Variants in SERPINB13 observed in about 807,000 individuals in gnomAD.
The protein encoded by SERPINB13 is serpin B13.
A neutral mutation model predicts 31.2 loss-of-function variants in SERPINB13; 26 were observed. The observed-to-expected ratio is 0.83, with a 90% CI of 0.61 to 1.15. The LOEUF is 1.15. Ranked by LOEUF, SERPINB13 falls within the 50% of genes most tolerant of loss-of-function variation. The probability of loss-of-function intolerance (pLI) is 0.00; values close to 1 mark genes in which losing one functional copy is unlikely to be tolerated. For missense variants in SERPINB13, 510 were observed against 469.4 expected (o/e 1.09, Z -0.80); for synonymous variants, 191 against 172.4 (o/e 1.11, Z -0.85).
At position 63,589,451 on chromosome 18, in the gene SERPINB13, T is replaced by TCACACACACACA. The variant is rs112829867; in HGVS notation, c.166-177_166-166dup. ...ACCTGGCCAAAAGAGCAAAACTCCA[T>TCACACACACACA]CACACACACACACACACACACACAC... On this transcript the variant is annotated intron_variant, in intron 2 of 7. Transcript: ENST00000344731. 2.8e-3 allele frequency among the ~76,000 whole-genome samples: 319 copies of TCACACACACACA among 111,982 alleles called. 1 individual carries two copies. Among genetic ancestry groups the TCACACACACACA allele is most frequent in the African/African-American group, 7.5e-3 (267 of 35,702 alleles). 73.5% of individuals were successfully genotyped at this position (111,982 alleles called of 152,430 possible).
intron 5 of SERPINB13, 197 bp from the exon 6 acceptor site, chr18:63,594,158 A>G (rs1237345571): frequency 4.7e-6 from 7 of 1,489,344 alleles, no homozygotes; most frequent in Non-Finnish European, 6.3e-6. Context: ...TAATTTATCC[A>G]CTGGGATAAA....
rs748503604 is a variant in SERPINB13 at position 63,592,370 on chromosome 18, A to T, written c.248A>T (p.His83Leu). 6.2e-7 allele frequency: 1 copy of T among 1,613,206 alleles called. No individual in the cohort carries two copies. The highest frequency in any genetic ancestry group is 8.5e-7 in the Non-Finnish European group (1 of 1,179,572). ...AAGATTGAGAACACAGAAGCAGTAC[A>T]TCAACAATTCCAAAAGTTTTTGACT... is the stretch of plus-strand genomic sequence containing the variant. ...KEVIENTEAV[H>L]QQFQKFLTEI... is the part of the protein sequence containing the mutation. Residue 83 changes from histidine (H) to leucine (L), a missense_variant, in exon 4 of 8, where the codon CAT becomes CTT. His to Leu is a moderately conservative substitution (Grantham distance 99). Coordinates refer to ENST00000344731, the MANE Select transcript of SERPINB13 (RefSeq NM_012397.4).
At chr18:63,593,185 A>T (rs151073896) in intron 5 of SERPINB13, among the ~76,000 whole-genome samples, 114 of 152,244 alleles carry the variant, frequency 7.5e-4, no homozygotes, top group African/African-American at 2.7e-3. Context: ...GGCACTGCAG[A>T]TGGTGGAGCA....
rs572041818 is a variant in SERPINB13, at chr18:63,596,823, A to C, written c.772-136A>C. ...AGACAACCGCCTGCAGTATAAAGAC[A>C]ACAATCTAGTGAAATAAAATTTCTA... is the stretch of plus-strand genomic sequence containing the variant. On this transcript the variant is annotated intron_variant, in intron 7 of 7. Coordinates refer to ENST00000344731, the MANE Select transcript of SERPINB13 (RefSeq NM_012397.4). The C allele has an allele frequency of 2.8e-4, 194 of 683,584 alleles. 2 individuals are homozygous for C. The South Asian group carries it at 3.4e-3, about 12-fold the overall frequency. The allele number at this position is 683,584 out of a possible 1,614,324, so 42.3% of individuals were successfully genotyped here.
chr18:63,594,145 C>G, intron 5 of SERPINB13: 1 of 1,467,786 alleles, frequency 6.8e-7, no homozygotes. Context: ...TAACCATGAA[C>G]CTTAATTTAT....
intron 3 of SERPINB13, among the ~76,000 whole-genome samples, chr18:63,591,104 G>A (rs1300468682): frequency 9.2e-5 from 14 of 152,122 alleles, no homozygotes; most frequent in Admixed American, 8.5e-4. Flanking sequence ...ATGCCCCTTA[G>A]GCTGATGTAT....
At chr18:63,592,712 C>A in intron 4 of SERPINB13, 142 bp from the exon 5 acceptor site, 1 of 712,124 alleles carries the variant, frequency 1.4e-6, no homozygotes, top group Non-Finnish European at 2.3e-6. Context: ...GCAGCAGGAA[C>A]TCAATGTGAG....
intron 2 of SERPINB13, 126 bp downstream of exon 2, chr18:63,588,958 T>C: frequency 9.4e-7 from 1 of 1,063,366 alleles, no homozygotes; most frequent in South Asian, 1.8e-5. Context: ...AAACAGAGAC[T>C]TTCAAGACAA....
In SERPINB13 at chr18:63,587,643, A is replaced by G. The variant is rs1479273647; in HGVS notation, c.-18+193A>G. 3.3e-5 allele frequency among the ~76,000 whole-genome samples: 5 copies of G among 152,372 alleles called. No homozygotes were observed. The South Asian group carries it at 6.2e-4, about 19-fold the overall frequency. On this transcript the variant is annotated intron_variant, in intron 1 of 7. Coordinates refer to ENST00000344731, the MANE Select transcript of SERPINB13 (RefSeq NM_012397.4). ...CCATTTTATTTCTGAGTTAACCTGTAAAGGATCTCTGCAAGGAAACCTGAG... is the reference window on the plus strand; with the variant it reads ...CCATTTTATTTCTGAGTTAACCTGTGAAGGATCTCTGCAAGGAAACCTGAG...
At chr18:63,592,228 A>C (rs911011773) in intron 3 of SERPINB13, 120 bp from the exon 4 acceptor site, 13 of 1,099,328 alleles carry the variant, frequency 1.2e-5, no homozygotes, top group Non-Finnish European at 1.5e-5. Flanking sequence ...CATCAAACAC[A>C]GGGATCACCC....
Position 63,588,815 on chromosome 18 carries a change from G to T in SERPINB13, c.148G>T (p.Ala50Ser), listed in dbSNP as rs576283991. 7 of 1,613,876 alleles carry T rather than the reference G, an allele frequency of 4.3e-6. No individual in the cohort carries two copies. In the South Asian group the frequency reaches 5.5e-5, roughly 13 times the overall value. Residue 50 changes from alanine to serine, a missense_variant, in exon 2 of 8, where the codon GCT (alanine) becomes TCT (serine). By Grantham distance (99) the Ala-to-Ser change is moderately conservative (BLOSUM62 1). Coordinates refer to ENST00000344731, the MANE Select transcript of SERPINB13 (RefSeq NM_012397.4). ...CCTCCTGGGGACCCGAGGAGCCACC[G>T]CTTCCCAGTTGGAGGAGGTTGGGCG... is the stretch of plus-strand genomic sequence containing the variant. ...MVLLGTRGAT[A>S]SQLEEVFHSE...
chr18:63,598,302 G>A lies in SERPINB13; in HGVS notation c.*939G>A, dbSNP rs1163040679. On this transcript the variant is annotated 3_prime_UTR_variant, in exon 8 of 8. Coordinates refer to ENST00000344731, the MANE Select transcript of SERPINB13 (RefSeq NM_012397.4). ...AGCTTTGTCAAACTACAATTTACAT[G>A]CCGTAAAATGTACACACTGTAATTT... is the stretch of plus-strand genomic sequence containing the variant. 6.6e-6 allele frequency: 1 copy of A among 151,924 alleles called. No individual in the cohort carries two copies. The highest frequency in any genetic ancestry group is 1.5e-5 in the Non-Finnish European group (1 of 67,966). The allele number at this position is 151,924 out of a possible 1,614,324, so 9.4% of individuals were successfully genotyped here. A position where few individuals can be genotyped will look rare whatever the true frequency, so the allele number is the denominator to read the frequency against.
At chr18:63,590,916 A>C (rs1290937147) in intron 3 of SERPINB13, among the ~76,000 whole-genome samples, 3 of 152,198 alleles carry the variant, frequency 2.0e-5, no homozygotes, top group Non-Finnish European at 2.9e-5. Flanking sequence ...TTGCCCAGAG[A>C]CTGGCTTGGC....
intron 3 of SERPINB13, among the ~76,000 whole-genome samples, chr18:63,591,033 C>A (rs953507530): frequency 1.3e-5 from 2 of 152,106 alleles, no homozygotes; most frequent in Non-Finnish European, 2.9e-5. Context: ...AGGAAAAATG[C>A]AATAAACACA....
In SERPINB13 at chr18:63,589,733, A is replaced by G; in HGVS notation, c.225+18A>G. 1 of 1,614,064 alleles carries G rather than the reference A, an allele frequency of 6.2e-7. No individual in the cohort carries two copies. Among genetic ancestry groups the G allele is most frequent in the Non-Finnish European group, 8.5e-7 (1 of 1,179,942 alleles). On this transcript the variant is annotated intron_variant, in intron 3 of 7. Coordinates refer to ENST00000344731, the MANE Select transcript of SERPINB13 (RefSeq NM_012397.4). ...AAGAGGTGGTAAGAATAAAGGCTGAAGGAAAAGAGGTGGGGAGATGTGTTT... is the reference window on the plus strand; with the variant it reads ...AAGAGGTGGTAAGAATAAAGGCTGAGGGAAAAGAGGTGGGGAGATGTGTTT...
intron 5 of SERPINB13, among the ~76,000 whole-genome samples, chr18:63,593,304 AT>A (rs1457001050): frequency 6.6e-6 from 1 of 152,178 alleles, no homozygotes; most frequent in Non-Finnish European, 1.5e-5. Context: ...ATGGATCACA[AT>A]ATCTTGGGGG....
chr18:63,595,302 C>T (rs1825913022), intron 7 of SERPINB13, 118 bp downstream of exon 7: 5 of 1,002,512 alleles, frequency 5.0e-6, no homozygotes, highest in East Asian at 2.4e-5. Flanking sequence ...CACTCTCCAG[C>T]AGCTACAGAT....
At chr18:63,593,810 T>C (rs1483613814) in intron 5 of SERPINB13, among the ~76,000 whole-genome samples, 1 of 152,188 alleles carries the variant, frequency 6.6e-6, no homozygotes, top group Non-Finnish European at 1.5e-5. Flanking sequence ...GAATTTATTG[T>C]GGGATGGGGT....
At position 63,597,228 on chromosome 18, in the gene SERPINB13, T is replaced by C. The variant is rs542948789; in HGVS notation, c.1041T>C (p.Ala347=). 6.2e-6 allele frequency: 10 copies of C among 1,614,232 alleles called. No individual in the cohort carries two copies. Among genetic ancestry groups the C allele is most frequent in the East Asian group, 2.2e-5 (1 of 44,882 alleles). ...CTGAGGAAGGCACCGAGGCTGCAGC[T>C]GCCACCGGCATAGGCTTTACTGTCA... The part of the protein sequence containing the change: ...AVTEEGTEAA[A]ATGIGFTVTS... The change falls in exon 8 of 8, where the codon GCT becomes GCC. Residue 347 remains alanine, a synonymous_variant. Coordinates refer to ENST00000344731, the MANE Select transcript of SERPINB13 (RefSeq NM_012397.4).
Sources: allele counts gnomAD v4.1 joint callset (sites outside exome capture counted in the v4.1 genomes callset), GRCh38; gene constraint gnomAD v4.1.1; transcripts MANE v1.5; gene names NCBI Gene and HGNC (gene_info 2026-07-23, HGNC 2026-07-21).